NCAM1: variants seen among roughly 807,000 people sequenced by gnomAD.
The protein encoded by NCAM1 is neural cell adhesion molecule 1, also known as antigen recognized by monoclonal antibody 5.1H11.
In NCAM1, 14 loss-of-function variants were observed where a neutral mutation model predicts 109.8. The ratio of observed to expected loss-of-function variants is 0.13; its 90% confidence interval spans 0.08 to 0.20. The LOEUF (loss-of-function observed/expected upper bound fraction) is 0.20, where lower values mean the gene tolerates loss of function less well. Among genes scored for constraint, NCAM1 ranks in the 10% least tolerant of loss-of-function variants. The pLI, the probability that NCAM1 is intolerant of heterozygous loss-of-function variation, is 1.00. For synonymous variants in NCAM1, 418 were observed against 442.9 expected (o/e 0.94, Z 0.70); for missense variants, 774 against 1,109.9 (o/e 0.70, Z 4.30).
At chr11:113,027,936 G>A (rs529335948) in intron 1 of NCAM1, among the ~76,000 whole-genome samples, 7 of 152,240 alleles carry the variant, frequency 4.6e-5, no homozygotes, top group South Asian at 2.1e-4. Flanking sequence ...TATGAAACCA[G>A]CCAGGCACAG....
At chr11:113,166,804 T>TA (rs2136412663) in intron 1 of NCAM1, among the ~76,000 whole-genome samples, 1 of 152,338 alleles carries the variant, frequency 6.6e-6, no homozygotes, top group East Asian at 1.9e-4. Flanking sequence ...CTACCTACTG[T>TA]ATGTCAACTT....
rs560982933 is a variant in NCAM1 at position 113,030,840 on chromosome 11, T to C, written c.52+69176T>C. On this transcript the variant is annotated intron_variant, in intron 1 of 19. Coordinates refer to ENST00000316851, the MANE Select transcript of NCAM1 (RefSeq NM_181351.5). ...TAAAGCAGTTTCATTGACTCACTTA[T>C]GCAGCTGAAGTTTGTAAAAAACCTC... 9.2e-5 allele frequency among the ~76,000 whole-genome samples: 14 copies of C among 152,356 alleles called. No individual in the cohort carries two copies. The South Asian group carries it at 2.1e-3, about 23-fold the overall frequency.
intron 1 of NCAM1, among the ~76,000 whole-genome samples, chr11:113,030,019 C>T (rs1952666233): frequency 6.6e-6 from 1 of 151,984 alleles, no homozygotes; most frequent in Non-Finnish European, 1.5e-5. Flanking sequence ...GTATTTCCTA[C>T]ACACCTGCTA....
At chr11:113,096,465 G>A (rs999240367) in intron 1 of NCAM1, among the ~76,000 whole-genome samples, 3 of 152,130 alleles carry the variant, frequency 2.0e-5, no homozygotes, top group Admixed American at 2.0e-4. Context: ...AGGGTTGTGT[G>A]TTACGTTCAG....
At chr11:113,119,379 G>A (rs1940850285) in intron 1 of NCAM1, among the ~76,000 whole-genome samples, 2 of 152,176 alleles carry the variant, frequency 1.3e-5, no homozygotes, top group African/African-American at 4.8e-5. Context: ...AGGGATAGAG[G>A]TTTCACACAC....
At chr11:113,053,754 G>A (rs1372209525) in intron 1 of NCAM1, among the ~76,000 whole-genome samples, 5 of 152,230 alleles carry the variant, frequency 3.3e-5, no homozygotes, top group Non-Finnish European at 7.3e-5. Flanking sequence ...CACACTGACA[G>A]TAATGATATT....
chr11:113,163,477 GCT>G (rs1942672878), intron 1 of NCAM1, among the ~76,000 whole-genome samples: 1 of 152,176 alleles, frequency 6.6e-6, no homozygotes, highest in South Asian at 2.1e-4. Context: ...AGAGTTCAGA[GCT>G]AGGTCTGAGG....
chr11:113,020,910 C>T (rs146393261), intron 1 of NCAM1, among the ~76,000 whole-genome samples: 236 of 152,186 alleles, frequency 1.6e-3, no homozygotes, highest in African/African-American at 5.1e-3. Flanking sequence ...GCATGTGCCA[C>T]CATGCCCGAC....
chr11:113,154,667 A>G (rs1555103143), intron 1 of NCAM1, among the ~76,000 whole-genome samples: 1 of 152,114 alleles, frequency 6.6e-6, no homozygotes, highest in East Asian at 1.9e-4. Flanking sequence ...ATAGAGTTAA[A>G]CGTTTTAGTT....
At position 113,276,427 on chromosome 11, in the gene NCAM1, T is replaced by C. The variant is rs1946400135; in HGVS notation, c.*1040T>C. On this transcript the variant is annotated 3_prime_UTR_variant, in exon 20 of 20. Transcript: ENST00000316851. Reference sequence around the variant, plus strand: ...TCTGATTAGCCGCCACCTGCCTGCATCTGTGAAAAGGGATCTGCTCCCAGG... The same window carrying C: ...TCTGATTAGCCGCCACCTGCCTGCACCTGTGAAAAGGGATCTGCTCCCAGG... The C allele has an allele frequency of 6.6e-6, 1 of 152,632 alleles. No homozygotes were observed. Among genetic ancestry groups the C allele is most frequent in the African/African-American group, 2.4e-5 (1 of 41,468 alleles). The allele number at this position is 152,632 out of a possible 1,614,324, so 9.5% of individuals were successfully genotyped here. A position where few individuals can be genotyped will look rare whatever the true frequency, so the allele number is the denominator to read the frequency against.
chr11:113,270,141 C>CTCGCA (rs1555124964), intron 17 of NCAM1, 47 bp from the exon 18 acceptor site: 16 of 1,591,098 alleles, frequency 1.0e-5, no homozygotes, highest in Non-Finnish European at 1.4e-5. Context: ...GTCTGGAGGT[C>CTCGCA]TCGCATCTCA....
intron 1 of NCAM1, among the ~76,000 whole-genome samples, chr11:113,185,167 G>A (rs1487446661): frequency 6.6e-6 from 1 of 150,896 alleles, no homozygotes; most frequent in African/African-American, 2.4e-5. Context: ...TATCCAAGAT[G>A]TGCAGTTAGA....
At chr11:113,046,656 CGATAGCTAGATG>C (rs1348885175) in intron 1 of NCAM1, among the ~76,000 whole-genome samples, 2 of 151,602 alleles carry the variant, frequency 1.3e-5, no homozygotes, top group Non-Finnish European at 2.9e-5. Context: ...ATAAACACAA[CGATAGCTAGATG>C]GATAGCGAGA....
chr11:113,260,432 C>T, intron 17 of NCAM1, 109 bp downstream of exon 17: 2 of 1,223,618 alleles, frequency 1.6e-6, no homozygotes, highest in Non-Finnish European at 2.3e-6. Flanking sequence ...TACAGCCATC[C>T]TCATGATTGG....
intron 1 of NCAM1, among the ~76,000 whole-genome samples, chr11:113,174,719 G>T (rs1326639952): frequency 1.3e-5 from 2 of 152,178 alleles, no homozygotes; most frequent in Non-Finnish European, 2.9e-5. Flanking sequence ...GTGGCATCAA[G>T]AAATCAGGCT....
At chr11:113,141,801 C>T (rs782583585) in intron 1 of NCAM1, among the ~76,000 whole-genome samples, 28 of 152,186 alleles carry the variant, frequency 1.8e-4, no homozygotes, top group Non-Finnish European at 2.6e-4. Flanking sequence ...TCTCTCCTCT[C>T]GTATATCAGT....
rs1946394443 is a variant in NCAM1, at chr11:113,276,008, C to G, written c.*621C>G. On this transcript the variant is annotated 3_prime_UTR_variant, in exon 20 of 20. Coordinates refer to ENST00000316851, the MANE Select transcript of NCAM1 (RefSeq NM_181351.5). ...ATTTTATAGGACGAATGCCAAATTG[C>G]AGCTTCTGGGGGTAGATCTCAATTT... 1 of 152,638 alleles carries G rather than the reference C, an allele frequency of 6.6e-6. No homozygotes were observed. Among genetic ancestry groups the G allele is most frequent in the Non-Finnish European group, 1.5e-5 (1 of 68,050 alleles). 9.5% of individuals were successfully genotyped at this position (152,638 alleles called of 1,614,324 possible). A position where few individuals can be genotyped will look rare whatever the true frequency, so the allele number is the denominator to read the frequency against.
At chr11:113,051,685 A>G (rs1439116533) in intron 1 of NCAM1, among the ~76,000 whole-genome samples, 1 of 152,164 alleles carries the variant, frequency 6.6e-6, no homozygotes, top group East Asian at 1.9e-4. Flanking sequence ...GTGTCATCAT[A>G]TATTTTCTAC....
At chr11:113,012,483 C>G (rs1383089797) in intron 1 of NCAM1, among the ~76,000 whole-genome samples, 1 of 152,074 alleles carries the variant, frequency 6.6e-6, no homozygotes, top group Non-Finnish European at 1.5e-5. Flanking sequence ...AAACCAGGGA[C>G]CTTCAAAAAA....
Sources: gnomAD v4.1 joint callset for allele counts (sites outside exome capture counted in the v4.1 genomes callset) on GRCh38, gnomAD v4.1.1 for gene constraint, MANE v1.5 for transcripts, NCBI Gene and HGNC (gene_info 2026-07-23, HGNC 2026-07-21) for gene names.